The following YTHDF3 variants were observed in gnomAD, a reference collection of about 807,000 sequenced individuals.
YTHDF3 encodes YTH domain-containing family protein 3.
In YTHDF3, 9 loss-of-function variants were observed where a neutral mutation model predicts 52.5. The observed-to-expected ratio is 0.17, with a 90% CI of 0.10 to 0.30. YTHDF3 has a LOEUF of 0.30. Among genes scored for constraint, YTHDF3 ranks in the 10% least tolerant of loss-of-function variants. The pLI is 1.00. For synonymous variants in YTHDF3, 274 were observed against 243.3 expected (o/e 1.13, Z -1.18); for missense variants, 534 against 715.0 (o/e 0.75, Z 2.89).
At chr8:63,184,671 A>G in intron 3 of YTHDF3, among the ~76,000 whole-genome samples, 1 of 152,248 alleles carries the variant, frequency 6.6e-6, no homozygotes, top group East Asian at 1.9e-4. Flanking sequence ...AATAGTGACA[A>G]GAGTGAAATA....
chr8:63,212,114 A>G lies in YTHDF3; in HGVS notation c.*2408A>G, dbSNP rs1187611819. 6.6e-6 allele frequency: 1 copy of G among 152,622 alleles called. No individual in the cohort carries two copies. 9.5% of individuals were successfully genotyped at this position (152,622 alleles called of 1,614,324 possible). A position where few individuals can be genotyped will look rare whatever the true frequency, so the allele number is the denominator to read the frequency against. ...TGTTTGAATGATCACAAATTAAGACATTATCAGCCCAGTAAATTTCTTGCT... is the reference window on the plus strand; with the variant it reads ...TGTTTGAATGATCACAAATTAAGACGTTATCAGCCCAGTAAATTTCTTGCT... On this transcript the variant is annotated 3_prime_UTR_variant, in exon 5 of 5. Coordinates refer to ENST00000539294, the MANE Select transcript of YTHDF3 (RefSeq NM_152758.6).
At chr8:63,180,363 A>G (rs1167618615) in intron 3 of YTHDF3, among the ~76,000 whole-genome samples, 12 of 146,824 alleles carry the variant, frequency 8.2e-5, no homozygotes, top group African/African-American at 2.8e-4. Flanking sequence ...CGCTCCCCAC[A>G]TCTCAGACGA....
chr8:63,179,034 A>G (rs1206941673), intron 3 of YTHDF3, among the ~76,000 whole-genome samples: 1 of 152,196 alleles, frequency 6.6e-6, no homozygotes, highest in East Asian at 1.9e-4. Flanking sequence ...GTGTTTAACA[A>G]GTCTTTTGCT....
chr8:63,212,236 G>A lies in YTHDF3; in HGVS notation c.*2530G>A, dbSNP rs1810405171. ...GGTATTATAGTTTGTATATTTAACA[G>A]TAAGGAGGAAACTGTAACCAAAATT... On this transcript the variant is annotated 3_prime_UTR_variant, in exon 5 of 5. Coordinates refer to ENST00000539294, the MANE Select transcript of YTHDF3 (RefSeq NM_152758.6). The A allele has an allele frequency of 6.6e-6, 1 of 152,648 alleles. No homozygotes were observed. The highest frequency in any genetic ancestry group is 1.5e-5 in the Non-Finnish European group (1 of 68,026). The allele number at this position is 152,648 out of a possible 1,614,324, so 9.5% of individuals were successfully genotyped here.
chr8:63,198,590 A>G (rs1461146260), intron 4 of YTHDF3, among the ~76,000 whole-genome samples: 1 of 152,126 alleles, frequency 6.6e-6, no homozygotes, highest in Admixed American at 6.6e-5. Context: ...CTGAAGATTT[A>G]AGTTTTAGTG....
intron 3 of YTHDF3, among the ~76,000 whole-genome samples, chr8:63,180,422 C>A (rs1338775444): frequency 6.8e-6 from 1 of 148,104 alleles, no homozygotes; most frequent in Non-Finnish European, 1.5e-5. Flanking sequence ...GGATGGCGGC[C>A]GGGAAGAGGC....
At chr8:63,205,961 C>G (rs1187633849) in intron 4 of YTHDF3, among the ~76,000 whole-genome samples, 1 of 152,150 alleles carries the variant, frequency 6.6e-6, no homozygotes, top group Non-Finnish European at 1.5e-5. Context: ...TGTGGACTTT[C>G]AAATTTGTAT....
intron 3 of YTHDF3, among the ~76,000 whole-genome samples, chr8:63,179,581 A>T (rs1291686584): frequency 1.1e-4 from 16 of 152,182 alleles, no homozygotes; most frequent in Admixed American, 1.0e-3. Flanking sequence ...AATTTTTCTT[A>T]GTACAGAACA....
intron 3 of YTHDF3, among the ~76,000 whole-genome samples, chr8:63,179,545 A>C (rs931994393): frequency 6.6e-5 from 10 of 152,206 alleles, no homozygotes; most frequent in African/African-American, 9.6e-5. Context: ...GTAAGGTCAC[A>C]GATCAACAGG....
At chr8:63,198,006 T>G (rs1007276760) in intron 4 of YTHDF3, among the ~76,000 whole-genome samples, 4 of 152,206 alleles carry the variant, frequency 2.6e-5, no homozygotes, top group Non-Finnish European at 4.4e-5. Context: ...GCTTTTTTAA[T>G]TCCACATAGG....
intron 4 of YTHDF3, among the ~76,000 whole-genome samples, chr8:63,189,990 A>C (rs1309226827): frequency 6.6e-6 from 1 of 152,218 alleles, no homozygotes; most frequent in African/African-American, 2.4e-5. Flanking sequence ...TTAGCAGTTA[A>C]GTAAAGTGGT....
At chr8:63,174,991 C>G (rs1341418142) in intron 2 of YTHDF3, among the ~76,000 whole-genome samples, 6 of 152,120 alleles carry the variant, frequency 3.9e-5, no homozygotes, top group African/African-American at 1.4e-4. Context: ...ATTTTACATT[C>G]AAATATAGCA....
chr8:63,179,864 C>T lies in YTHDF3; in HGVS notation c.135+4448C>T, dbSNP rs555295482. Among the ~76,000 whole-genome samples, 586 of 151,556 alleles carry T rather than the reference C, an allele frequency of 3.9e-3. 6 individuals carry two copies. The highest frequency in any genetic ancestry group is 0.014 in the African/African-American group (568 of 41,348). ...GGTGGGGGGCTGACCCTCCCACCTC[C>T]CCCCGGATGGGGCGGCCGGCCAGGC... On this transcript the variant is annotated intron_variant, in intron 3 of 4. Coordinates refer to ENST00000539294, the MANE Select transcript of YTHDF3 (RefSeq NM_152758.6).
chr8:63,168,754 C>T lies in YTHDF3; in HGVS notation c.-124C>T. ...CGAGGCCCTCATTTTGGGTTCTCAG[C>T]GAACGGCGGCAGCGGCGGCGGCTGG... On this transcript the variant is annotated 5_prime_UTR_variant, in exon 1 of 5. Coordinates refer to ENST00000539294, the MANE Select transcript of YTHDF3 (RefSeq NM_152758.6). 4 of 1,540,614 alleles carry T rather than the reference C, an allele frequency of 2.6e-6. No individual in the cohort carries two copies. The highest frequency in any genetic ancestry group is 3.5e-6 in the Non-Finnish European group (4 of 1,141,234).
At position 63,187,072 on chromosome 8, in the gene YTHDF3, G is replaced by T; in HGVS notation, c.1061G>T (p.Trp354Leu). Residue 354 changes from tryptophan to leucine, a missense_variant, in exon 4 of 5, where the codon TGG (tryptophan) becomes TTG (leucine). Physicochemically the swap from Trp to Leu is moderately conservative, Grantham distance 61. This residue lies in a region of YTHDF3 where 203 missense variants were observed against 201.3 expected (regional missense o/e 1.01). Coordinates refer to ENST00000539294, the MANE Select transcript of YTHDF3 (RefSeq NM_152758.6). Reference protein sequence around the residue: ...QPQQQQLQNRWVAPRNRGAGF... With the variant: ...QPQQQQLQNRLVAPRNRGAGF... ...CAACAGCAGCAGCTGCAGAATCGCT[G>T]GGTAGCTCCTCGTAACAGGGGAGCA... 6.2e-7 allele frequency: 1 copy of T among 1,613,696 alleles called. No individual in the cohort carries two copies. Among genetic ancestry groups the T allele is most frequent in the Non-Finnish European group, 8.5e-7 (1 of 1,179,762 alleles).
chr8:63,187,549 A>G lies in YTHDF3; in HGVS notation c.1538A>G (p.Asn513Ser). 1 of 1,614,026 alleles carries G rather than the reference A, an allele frequency of 6.2e-7. No individual in the cohort carries two copies. Among genetic ancestry groups the G allele is most frequent in the Non-Finnish European group, 8.5e-7 (1 of 1,179,886 alleles). Reference protein sequence around the residue: ...VKWIFVKDVPNNQLRHIRLEN... With the variant: ...VKWIFVKDVPSNQLRHIRLEN... Reference sequence around the variant, plus strand: ...TGGATCTTTGTCAAAGATGTTCCCAATAACCAATTACGGCATATTCGCTTA... The same window carrying G: ...TGGATCTTTGTCAAAGATGTTCCCAGTAACCAATTACGGCATATTCGCTTA... Residue 513 changes from asparagine (N) to serine (S), a missense_variant, in exon 4 of 5, where the codon AAT (asparagine) becomes AGT (serine). Asn to Ser is a conservative substitution (Grantham distance 46, BLOSUM62 1). Transcript: ENST00000539294.
Position 63,187,678 on chromosome 8 carries a change from C to T in YTHDF3, c.1667C>T (p.Thr556Ile). The change falls in exon 4 of 5, where the codon ACC becomes ATC. Residue 556 changes from threonine (T) to isoleucine (I), a missense_variant. Physicochemically the swap from Thr to Ile is moderately conservative, Grantham distance 89 (BLOSUM62 -1). Around this residue, in one of 3 missense-constraint regions of YTHDF3, gnomAD observed 135 missense variants for 214.2 expected, o/e 0.63. Transcript: ENST00000539294. ...AAAATAATTGCTACTTTCAAGCATACCACCTCAATCTTTGATGACTTTGCA... is the reference window on the plus strand; with the variant it reads ...AAAATAATTGCTACTTTCAAGCATATCACCTCAATCTTTGATGACTTTGCA... ...VLKIIATFKH[T>I]TSIFDDFAHY... The T allele has an allele frequency of 6.2e-7, 1 of 1,611,638 alleles. No homozygotes were observed.
In YTHDF3 at chr8:63,209,679, T is replaced by TC. The variant is rs774935987; in HGVS notation, c.1735-3dup. 3 of 1,570,788 alleles carry TC rather than the reference T, an allele frequency of 1.9e-6. No homozygotes were observed. The South Asian group carries it at 3.6e-5, about 19-fold the overall frequency. On this transcript the variant is annotated splice_region_variant and splice_polypyrimidine_tract_variant and intron_variant, in intron 4 of 4. Transcript: ENST00000539294. ...TTTGTGTGTGTGTGTTTTTTTTTTT[T>TC]CAGGAGAGAAATAGAAACAAACAAT...
chr8:63,200,085 T>C (rs1809502739), intron 4 of YTHDF3, among the ~76,000 whole-genome samples: 2 of 152,228 alleles, frequency 1.3e-5, no homozygotes, highest in Admixed American at 6.5e-5. Flanking sequence ...AGGCAGGGCT[T>C]GAGGTCTCAT....
Sources: gnomAD v4.1 joint callset for allele counts (sites outside exome capture counted in the v4.1 genomes callset) on GRCh38, gnomAD v4.1.1 for gene constraint, gnomAD v4.1.1 regional missense constraint, MANE v1.5 for transcripts, NCBI Gene and HGNC (gene_info 2026-07-23, HGNC 2026-07-21) for gene names.